TSGA10: variants seen among roughly 807,000 people sequenced by gnomAD.
The protein encoded by TSGA10 is testis-specific gene 10 protein.
In TSGA10, 43 loss-of-function variants were observed where a neutral mutation model predicts 96.6. The observed-to-expected ratio is 0.44, with a 90% CI of 0.35 to 0.57. TSGA10 has a LOEUF of 0.57. Ranked by LOEUF, TSGA10 falls within the 20% of genes least tolerant of loss-of-function variation. TSGA10 has a pLI of 0.01. For synonymous variants in TSGA10, 229 were observed against 269.9 expected, an observed-to-expected ratio of 0.85 and a Z score of 1.48; for missense variants, 703 against 834.4, an observed-to-expected ratio of 0.84 and a Z score of 1.94.
chr2:99,004,046 A>G (rs147679423), intron 20 of TSGA10, among the ~76,000 whole-genome samples: 54,572 of 151,558 alleles, frequency 0.36, 11,000 homozygotes, highest in African/African-American at 0.55. Context: ...TTGACACACC[A>G]CTAGCAAGAC....
At chr2:99,051,500 A>C (rs2083390128) in intron 16 of TSGA10, among the ~76,000 whole-genome samples, 1 of 152,130 alleles carries the variant, frequency 6.6e-6, no homozygotes, top group Non-Finnish European at 1.5e-5. Flanking sequence ...AAGTGACAGA[A>C]ATGAAGGGAA....
At position 99,115,573 on chromosome 2, in the gene TSGA10, G is replaced by A. The variant is rs558214595; in HGVS notation, c.-140+1971C>T. On this transcript the variant is annotated intron_variant, in intron 4 of 20. Coordinates refer to ENST00000393483, the MANE Select transcript of TSGA10 (RefSeq NM_025244.4). ...GACTGTATCCTTAAAGTAATAACTC[G>A]TGTATTTAAATATTGCACTATTATG... is the stretch of plus-strand genomic sequence containing the variant. Among the ~76,000 whole-genome samples, 13 of 151,866 alleles carry A rather than the reference G, an allele frequency of 8.6e-5. No individual in the cohort carries two copies. The South Asian group carries it at 2.3e-3, about 27-fold the overall frequency.
intron 2 of TSGA10, among the ~76,000 whole-genome samples, chr2:99,124,351 T>A (rs942119620): frequency 2.0e-5 from 3 of 152,220 alleles, no homozygotes; most frequent in African/African-American, 4.8e-5. Flanking sequence ...AGGAGTCCTT[T>A]GTATATTCTA....
intron 17 of TSGA10, among the ~76,000 whole-genome samples, chr2:99,030,577 G>C (rs1022290860): frequency 6.6e-6 from 1 of 151,988 alleles, no homozygotes; most frequent in Non-Finnish European, 1.5e-5. Context: ...CTTGAGCCCA[G>C]GGGTTCAAGA....
intron 1 of TSGA10, among the ~76,000 whole-genome samples, chr2:99,134,018 T>C (rs914353356): frequency 6.6e-6 from 1 of 152,178 alleles, no homozygotes; most frequent in South Asian, 2.1e-4. Flanking sequence ...CCCTTAACAT[T>C]TTCTCTTTCA....
chr2:99,006,931 G>A (rs1407736818), intron 20 of TSGA10, among the ~76,000 whole-genome samples: 2 of 152,084 alleles, frequency 1.3e-5, no homozygotes, highest in African/African-American at 2.4e-5. Context: ...TTAAGAAAAC[G>A]TGGCATATAT....
chr2:98,998,273 C>T (rs1180617287), intron 20 of TSGA10, 52 bp from the exon 21 acceptor site: 3 of 1,467,924 alleles, frequency 2.0e-6, no homozygotes, highest in Non-Finnish European at 2.8e-6. Context: ...ACTTTTTCAA[C>T]ATGTGTAACA....
At position 99,029,367 on chromosome 2, in the gene TSGA10, G is replaced by A. The variant is rs145642950; in HGVS notation, c.1614+5863C>T. ...TTTAGAGATAGAAAATCAAGACCAG[G>A]GTATATTATATAGTGTGAATTATAT... On this transcript the variant is annotated intron_variant, in intron 17 of 20. Coordinates refer to ENST00000393483, the MANE Select transcript of TSGA10 (RefSeq NM_025244.4). Among the ~76,000 whole-genome samples the A allele has an allele frequency of 1.9e-4, 29 of 151,662 alleles. No homozygotes were observed. In the East Asian group the frequency reaches 3.1e-3, roughly 16 times the overall value.
chr2:99,018,720 A>G, intron 18 of TSGA10, 80 bp from the exon 19 acceptor site: 1 of 1,234,624 alleles, frequency 8.1e-7, no homozygotes, highest in South Asian at 1.5e-5. Flanking sequence ...AACCATATTG[A>G]TAGTGGTTTC....
intron 16 of TSGA10, 96 bp from the exon 17 acceptor site, chr2:99,035,535 T>A: frequency 1.4e-6 from 1 of 722,408 alleles, no homozygotes; most frequent in Non-Finnish European, 2.2e-6. Flanking sequence ...AATCTAAGAG[T>A]AGTGCACTTA....
intron 20 of TSGA10, among the ~76,000 whole-genome samples, chr2:99,010,288 C>T (rs947842585): frequency 2.6e-5 from 4 of 152,190 alleles, no homozygotes; most frequent in Admixed American, 2.6e-4. Context: ...GTTAGAGACT[C>T]ATATTGTGAT....
At chr2:99,104,244 G>A (rs564417946) in intron 9 of TSGA10, 126 bp from the exon 10 acceptor site, 6 of 1,043,142 alleles carry the variant, frequency 5.8e-6, no homozygotes, top group Admixed American at 2.4e-5. Flanking sequence ...TATCAGGTTA[G>A]ACCTGACTGC....
At chr2:99,088,578 T>C (rs1446996880) in intron 10 of TSGA10, among the ~76,000 whole-genome samples, 1 of 152,168 alleles carries the variant, frequency 6.6e-6, no homozygotes, top group East Asian at 1.9e-4. Flanking sequence ...AAGGGCTGCA[T>C]TATAAATTGT....
chr2:99,080,988 C>T (rs2087397205), intron 11 of TSGA10, among the ~76,000 whole-genome samples: 1 of 152,022 alleles, frequency 6.6e-6, no homozygotes. Flanking sequence ...GGACAAGCTA[C>T]AATATTACAC....
chr2:99,007,932 A>G (rs2078650731), intron 20 of TSGA10, among the ~76,000 whole-genome samples: 1 of 152,196 alleles, frequency 6.6e-6, no homozygotes, highest in African/African-American at 2.4e-5. Flanking sequence ...ATAGAAATAG[A>G]AAGTCCAAAA....
chr2:99,145,496 T>A (rs1424465674), intron 1 of TSGA10, among the ~76,000 whole-genome samples: 1 of 151,386 alleles, frequency 6.6e-6, no homozygotes, highest in Admixed American at 6.6e-5. Context: ...AGGCGGAGGC[T>A]GCAGTCACCC....
chr2:99,036,319 C>CA (rs1444979251), intron 16 of TSGA10, among the ~76,000 whole-genome samples: 1 of 152,026 alleles, frequency 6.6e-6, no homozygotes, highest in Non-Finnish European at 1.5e-5. Flanking sequence ...TTCTCCAAGC[C>CA]AACTTTTTAT....
At chr2:99,101,739 T>C (rs546716067) in intron 10 of TSGA10, among the ~76,000 whole-genome samples, 2 of 152,322 alleles carry the variant, frequency 1.3e-5, no homozygotes, top group Middle Eastern at 3.4e-3. Context: ...AATTCTGTCA[T>C]ATGCTACAAC....
intron 12 of TSGA10, among the ~76,000 whole-genome samples, chr2:99,076,955 C>T (rs1195590072): frequency 6.6e-6 from 1 of 151,862 alleles, no homozygotes; most frequent in Non-Finnish European, 1.5e-5. Flanking sequence ...AAGATTTTTC[C>T]AGACCTTCCT....
Sources: gnomAD v4.1 joint callset for allele counts (sites outside exome capture counted in the v4.1 genomes callset) on GRCh38, gnomAD v4.1.1 for gene constraint, MANE v1.5 for transcripts, NCBI Gene and HGNC (gene_info 2026-07-23, HGNC 2026-07-21) for gene names.